GALNT5: variants seen among roughly 807,000 people sequenced by gnomAD.
GALNT5 encodes UDP-GalNAc:polypeptide N-acetylgalactosaminyltransferase 5.
A neutral mutation model predicts 85.4 loss-of-function variants in GALNT5; 72 were observed. The ratio of observed to expected loss-of-function variants is 0.84; its 90% CI spans 0.70 to 1.03. The LOEUF (loss-of-function observed/expected upper bound fraction) is 1.03. GALNT5 is among the 50% of genes least tolerant of loss of function. The probability of loss-of-function intolerance (pLI) is 0.00; values close to 1 mark genes in which losing one functional copy is unlikely to be tolerated. For missense variants in GALNT5, 1,137 were observed against 1,135.5 expected (o/e 1.00, Z -0.02); for synonymous variants, 404 against 397.0 (o/e 1.02, Z -0.21).
At chr2:157,292,866 A>G (rs4664224) in intron 3 of GALNT5, among the ~76,000 whole-genome samples, 144,354 of 152,048 alleles carry the variant, frequency 0.95, 68,625 homozygotes, top group East Asian at 1. Flanking sequence ...CACACGCCCG[A>G]TTGATTTTTG....
Position 157,259,478 on chromosome 2 carries a change from G to A in GALNT5, c.1396G>A (p.Val466Ile), listed in dbSNP as rs756297434. 1.2e-5 allele frequency: 17 copies of A among 1,452,350 alleles called. No homozygotes were observed. Among genetic ancestry groups the A allele is most frequent in the South Asian group, 3.5e-5 (2 of 57,228 alleles). The allele number at this position is 1,452,350 out of a possible 1,614,324, so 90.0% of individuals were successfully genotyped here. Reference protein sequence around the residue: ...ERRWKEGNFNVYLSDLIPVDR... With the variant: ...ERRWKEGNFNIYLSDLIPVDR... Reference sequence around the variant, plus strand: ...AAGATGGAAAGAAGGAAACTTCAATGTCTACCTTAGCGATTTGATCCCAGT... The same window carrying A: ...AAGATGGAAAGAAGGAAACTTCAATATCTACCTTAGCGATTTGATCCCAGT... The change falls in exon 1 of 10, where the codon GTC becomes ATC. Residue 466 changes from valine (V) to isoleucine (I), a missense_variant. Physicochemically the swap from Val to Ile is conservative, Grantham distance 29. Coordinates refer to ENST00000259056, the MANE Select transcript of GALNT5 (RefSeq NM_014568.3).
chr2:157,263,718 T>C (rs926895413), intron 1 of GALNT5, among the ~76,000 whole-genome samples: 1 of 152,214 alleles, frequency 6.6e-6, no homozygotes, highest in Admixed American at 6.5e-5. Flanking sequence ...TGAAAATTGA[T>C]ACTACTTTAA....
At chr2:157,309,129 G>A (rs565813744) in intron 9 of GALNT5, among the ~76,000 whole-genome samples, 1 of 152,252 alleles carries the variant, frequency 6.6e-6, no homozygotes, top group East Asian at 1.9e-4. Context: ...ACTTTAGAGT[G>A]AATCTGGTTC....
intron 1 of GALNT5, among the ~76,000 whole-genome samples, chr2:157,268,215 T>TTATC (rs1203978430): frequency 6.6e-6 from 1 of 152,216 alleles, no homozygotes; most frequent in Non-Finnish European, 1.5e-5. Context: ...TGAGAGAATG[T>TTATC]TATCATTCCC....
Position 157,286,085 on chromosome 2 carries a change from G to C in GALNT5, c.1692G>C (p.Glu564Asp). Residue 564 changes from glutamate (E) to aspartate (D), a missense_variant, in exon 3 of 10, where the codon GAG becomes GAC. Glu to Asp is a conservative substitution (Grantham distance 45). Coordinates refer to ENST00000259056, the MANE Select transcript of GALNT5 (RefSeq NM_014568.3). ...AAGTTCGGATTCTTCGCCTCAAAGA[G>C]AGACATGGCTTAATAAGGGCCAGGC... ...FPKVRILRLK[E>D]RHGLIRARLA... 1 of 1,612,406 alleles carries C rather than the reference G, an allele frequency of 6.2e-7. No homozygotes were observed. The highest frequency in any genetic ancestry group is 8.5e-7 in the Non-Finnish European group (1 of 1,178,448).
At chr2:157,306,022 C>G (rs939266257) in intron 8 of GALNT5, among the ~76,000 whole-genome samples, 193 bp downstream of exon 8, 6 of 152,164 alleles carry the variant, frequency 3.9e-5, no homozygotes, top group African/African-American at 1.4e-4. Context: ...AGTCAACTCA[C>G]TGGGTCCAGA....
chr2:157,286,173 T>A, intron 3 of GALNT5, 39 bp downstream of exon 3: 1 of 1,554,812 alleles, frequency 6.4e-7, no homozygotes, highest in Non-Finnish European at 8.8e-7. Flanking sequence ...TACATTTTTA[T>A]TTTAATTTAA....
At chr2:157,281,909 T>C (rs1682862808) in intron 1 of GALNT5, among the ~76,000 whole-genome samples, 1 of 152,222 alleles carries the variant, frequency 6.6e-6, no homozygotes, top group Non-Finnish European at 1.5e-5. Flanking sequence ...ACTGATATCT[T>C]CTTTCTGTTC....
chr2:157,311,446 AT>A lies in GALNT5; in HGVS notation c.*102del. 1.3e-6 allele frequency: 1 copy of A among 792,390 alleles called. No individual in the cohort carries two copies. The highest frequency in any genetic ancestry group is 1.9e-6 in the Non-Finnish European group (1 of 512,942). 49.1% of individuals were successfully genotyped at this position (792,390 alleles called of 1,614,324 possible). On this transcript the variant is annotated 3_prime_UTR_variant, in exon 10 of 10. Coordinates refer to ENST00000259056, the MANE Select transcript of GALNT5 (RefSeq NM_014568.3). ...TTCTCAGCGGTAGTTTAAATTTTCAATTTTAATAACATTTGAATGGAAGATT... is the reference window on the plus strand; with the variant it reads ...TTCTCAGCGGTAGTTTAAATTTTCAATTTAATAACATTTGAATGGAAGATT...
intron 6 of GALNT5, among the ~76,000 whole-genome samples, chr2:157,300,041 A>G (rs1374837870): frequency 6.6e-6 from 1 of 152,216 alleles, no homozygotes; most frequent in East Asian, 1.9e-4. Flanking sequence ...GAGAACACAA[A>G]TGACAGAAGT....
chr2:157,284,209 C>A, intron 1 of GALNT5, 73 bp from the exon 2 acceptor site: 1 of 1,274,316 alleles, frequency 7.8e-7, no homozygotes, highest in Non-Finnish European at 1.1e-6. Flanking sequence ...CACCATCGCA[C>A]TCTGTGACTT....
intron 1 of GALNT5, among the ~76,000 whole-genome samples, chr2:157,275,359 C>T (rs1682699477): frequency 6.6e-6 from 1 of 152,038 alleles, no homozygotes; most frequent in Admixed American, 6.6e-5. Flanking sequence ...TTTTCCAATT[C>T]TGTGAAGAAA....
chr2:157,302,591 AAAAG>A (rs1683366088), intron 7 of GALNT5: 2 of 151,862 alleles, frequency 1.3e-5, no homozygotes, highest in Admixed American at 1.3e-4. Flanking sequence ...AGAAAAAAAA[AAAAG>A]AAAGGAATTT....
chr2:157,307,155 G>C (rs4664225), intron 8 of GALNT5, among the ~76,000 whole-genome samples: 124,167 of 152,086 alleles, frequency 0.82, 52,034 homozygotes, highest in South Asian at 0.93. Flanking sequence ...AATTATGCAG[G>C]CTTCGACTTC....
Position 157,308,568 on chromosome 2 carries a change from T to G in GALNT5, c.2522T>G (p.Leu841Arg), listed in dbSNP as rs1481021818. 1 of 1,604,900 alleles carries G rather than the reference T, an allele frequency of 6.2e-7. No individual in the cohort carries two copies. The highest frequency in any genetic ancestry group is 1.7e-5 in the Admixed American group (1 of 57,278). ...CCTCTTTATTCATTTCCCCCACAGC[T>G]TCAACAATTTAATTACACCTGGTTA... ...ILEDCDGSKE[L>R]QQFNYTWLRL... Residue 841 changes from leucine to arginine, a missense_variant and splice_region_variant, in exon 9 of 10, where the codon CTT becomes CGT. Transcript: ENST00000259056.
At chr2:157,301,231 G>C (rs1366758172) in intron 7 of GALNT5, among the ~76,000 whole-genome samples, 2 of 152,214 alleles carry the variant, frequency 1.3e-5, no homozygotes, top group Non-Finnish European at 2.9e-5. Flanking sequence ...GTAGATCTGG[G>C]AGTATTTCAG....
intron 1 of GALNT5, among the ~76,000 whole-genome samples, chr2:157,268,582 G>A (rs1201584971): frequency 2.6e-5 from 4 of 152,142 alleles, no homozygotes; most frequent in African/African-American, 9.7e-5. Flanking sequence ...GGTTCTAGGG[G>A]CCTAACTGAC....
chr2:157,315,357 A>T lies in GALNT5; in HGVS notation c.*4009A>T, dbSNP rs1252465635. Among the ~76,000 whole-genome samples the T allele has an allele frequency of 1.3e-5, 2 of 152,164 alleles. No individual in the cohort carries two copies. The highest frequency in any genetic ancestry group is 2.9e-5 in the Non-Finnish European group (2 of 68,018). On this transcript the variant is annotated 3_prime_UTR_variant, in exon 10 of 10. Transcript: ENST00000259056. Reference sequence around the variant, plus strand: ...CAAGGTCATCCCACAAGTAAGAGATAAAACCCAGTTTCCATTTTATCTGGC... The same window carrying T: ...CAAGGTCATCCCACAAGTAAGAGATTAAACCCAGTTTCCATTTTATCTGGC...
In GALNT5 at chr2:157,316,881, A is replaced by G. The variant is rs1024192949; in HGVS notation, c.*5533A>G. ...GTGAATCTTTGCTTTGTAAAAACAC[A>G]TACAAAACACAAGGGAAAATTCTCA... On this transcript the variant is annotated 3_prime_UTR_variant, in exon 10 of 10. Transcript: ENST00000259056. 6.6e-6 allele frequency among the ~76,000 whole-genome samples: 1 copy of G among 152,112 alleles called. No homozygotes were observed. The highest frequency in any genetic ancestry group is 1.5e-5 in the Non-Finnish European group (1 of 67,976).
Sources: allele counts gnomAD v4.1 joint callset (sites outside exome capture counted in the v4.1 genomes callset), GRCh38; gene constraint gnomAD v4.1.1; transcripts MANE v1.5; gene names NCBI Gene and HGNC (gene_info 2026-07-23, HGNC 2026-07-21).